The following PIWIL2 variants were observed in gnomAD, a reference collection of about 807,000 sequenced individuals.
The protein encoded by PIWIL2 is piwi like RNA-mediated gene silencing 2.
Under a neutral mutation model 116.5 loss-of-function variants are expected in PIWIL2, and 81 were observed. That is an observed-to-expected ratio of 0.70 (90% CI 0.58 to 0.84). The LOEUF (loss-of-function observed/expected upper bound fraction) is 0.84. Among genes scored for constraint, PIWIL2 ranks in the 40% least tolerant of loss-of-function variants. PIWIL2 has a pLI of 0.00. For missense variants in PIWIL2, 1,272 were observed against 1,212.3 expected (o/e 1.05, Z -0.73); for synonymous variants, 489 against 429.5 (o/e 1.14, Z -1.71).
At position 22,279,490 on chromosome 8, in the gene PIWIL2, T is replaced by G; in HGVS notation, c.104T>G (p.Leu35Trp). Reference sequence around the variant, plus strand: ...TGTTGGCCACAAGCTTCTAAACCTTTGGACCCAGCTCTGGGCAGGGGAGCA... The same window carrying G: ...TGTTGGCCACAAGCTTCTAAACCTTGGGACCCAGCTCTGGGCAGGGGAGCA... Reference protein sequence around the residue: ...PGCWPQASKPLDPALGRGAPA... With the variant: ...PGCWPQASKPWDPALGRGAPA... Residue 35 changes from leucine to tryptophan, a missense_variant, in exon 2 of 23, where the codon TTG (leucine) becomes TGG (tryptophan). Transcript: ENST00000356766. The G allele has an allele frequency of 6.2e-7, 1 of 1,614,182 alleles. No individual in the cohort carries two copies. Among genetic ancestry groups the G allele is most frequent in the East Asian group, 2.2e-5 (1 of 44,880 alleles).
chr8:22,353,398 C>T (rs1435059254), intron 21 of PIWIL2, among the ~76,000 whole-genome samples, 186 bp downstream of exon 21: 1 of 152,062 alleles, frequency 6.6e-6, no homozygotes, highest in East Asian at 1.9e-4. Context: ...TCTGTAATCC[C>T]AACGCTTTGG....
intron 14 of PIWIL2, 127 bp downstream of exon 14, chr8:22,308,200 T>G (rs1385620747): frequency 2.7e-6 from 2 of 730,200 alleles, no homozygotes; most frequent in Non-Finnish European, 4.1e-6. Flanking sequence ...TTTCTAAGTT[T>G]TTTTTTTTTT....
chr8:22,292,045 A>G (rs941175787), intron 10 of PIWIL2, among the ~76,000 whole-genome samples: 1 of 152,076 alleles, frequency 6.6e-6, no homozygotes, highest in African/African-American at 2.4e-5. Context: ...GTGAAGGGAG[A>G]AGAAGCTTTT....
chr8:22,311,087 A>C (rs771208122), intron 15 of PIWIL2, 25 bp from the exon 16 acceptor site: 1 of 1,568,298 alleles, frequency 6.4e-7, no homozygotes, highest in South Asian at 1.2e-5. Flanking sequence ...TGTGAGAAAT[A>C]CTAAAAGCTC....
rs1018657645 is a variant in PIWIL2, at chr8:22,329,358, G to A, written c.2403+11083G>A. Among the ~76,000 whole-genome samples the A allele has an allele frequency of 8.5e-5, 13 of 152,180 alleles. 1 individual carries two copies. The highest frequency in any genetic ancestry group is 7.2e-4 in the Admixed American group (11 of 15,274). ...GCTCATGGTTCTGCAGGCTTTACAC[G>A]AAGCATAATGCTGGCATCCACTCAG... On this transcript the variant is annotated intron_variant, in intron 20 of 22. Coordinates refer to ENST00000356766, the MANE Select transcript of PIWIL2 (RefSeq NM_018068.5).
At chr8:22,342,471 A>G (rs1832133220) in intron 20 of PIWIL2, among the ~76,000 whole-genome samples, 3 of 152,170 alleles carry the variant, frequency 2.0e-5, no homozygotes, top group South Asian at 4.1e-4. Flanking sequence ...AGAAATAGAC[A>G]CACACAAATA....
chr8:22,323,775 C>T (rs1458774182), intron 20 of PIWIL2, among the ~76,000 whole-genome samples: 1 of 152,194 alleles, frequency 6.6e-6, no homozygotes, highest in East Asian at 1.9e-4. Context: ...TCCAGATTAT[C>T]ATCATACTGC....
At position 22,294,900 on chromosome 8, in the gene PIWIL2, GAAAAAAAAAAA is replaced by G. The variant is rs57742067; in HGVS notation, c.1181+4573_1181+4583del. ...ACATGGTGAAATCCCATCTTTACTGGAAAAAAAAAAAAAAAAAAAAAAAAAAAAATTAACTG... is the reference window on the plus strand; with the variant it reads ...ACATGGTGAAATCCCATCTTTACTGGAAAAAAAAAAAAAAAAAATTAACTG... On this transcript the variant is annotated intron_variant, in intron 10 of 22. Transcript: ENST00000356766. Among the ~76,000 whole-genome samples the G allele has an allele frequency of 1.4e-3, 130 of 93,656 alleles. 1 individual carries two copies. In the East Asian group the frequency reaches 0.026, roughly 19 times the overall value. The allele number at this position is 93,656 out of a possible 152,430, so 61.4% of individuals were successfully genotyped here.
Position 22,304,022 on chromosome 8 carries a change from C to T in PIWIL2, c.1183C>T (p.His395Tyr), listed in dbSNP as rs1265616454. Residue 395 changes from histidine (H) to tyrosine (Y), a missense_variant and splice_region_variant, in exon 11 of 23, where the codon CAT becomes TAT. Coordinates refer to ENST00000356766, the MANE Select transcript of PIWIL2 (RefSeq NM_018068.5). ...AAAGTCTTTTATCTCTTTCCAAAGG[C>T]ATGCCATTTATCAGCAGAATAAAGA... ...IRNDCVLDVM[H>Y]AIYQQNKEHF... 8.7e-6 allele frequency: 14 copies of T among 1,607,708 alleles called. No homozygotes were observed. Among genetic ancestry groups the T allele is most frequent in the Non-Finnish European group, 1.2e-5 (14 of 1,175,952 alleles).
chr8:22,302,533 C>CT (rs528080594), intron 10 of PIWIL2, among the ~76,000 whole-genome samples: 1 of 152,056 alleles, frequency 6.6e-6, no homozygotes, highest in East Asian at 1.9e-4. Flanking sequence ...ACTAAAGACT[C>CT]TGTTATTTCT....
At chr8:22,302,930 A>T (rs1831085672) in intron 10 of PIWIL2, among the ~76,000 whole-genome samples, 2 of 152,188 alleles carry the variant, frequency 1.3e-5, no homozygotes, top group African/African-American at 4.8e-5. Flanking sequence ...TAGACAACAA[A>T]TCTAGGCTAA....
At chr8:22,289,152 C>CTTTTTTTTTTTTT (rs374688951) in intron 8 of PIWIL2, among the ~76,000 whole-genome samples, 2 of 135,286 alleles carry the variant, frequency 1.5e-5, no homozygotes, top group African/African-American at 2.7e-5. Flanking sequence ...TTTCTTTTTT[C>CTTTTTTTTTTTTT]TTTTTTTTTT....
chr8:22,298,933 G>A (rs1051752543), intron 10 of PIWIL2, among the ~76,000 whole-genome samples: 2 of 152,156 alleles, frequency 1.3e-5, no homozygotes, highest in South Asian at 2.1e-4. Context: ...AGGGGATGAC[G>A]TTGATTAGTT....
chr8:22,355,384 G>A lies in PIWIL2; in HGVS notation c.2801G>A (p.Trp934Ter), dbSNP rs1586606268. The change falls in exon 23 of 23, where the codon TGG becomes TAG. Residue 934 changes from tryptophan to a stop codon, truncating the protein, a stop_gained. Transcript: ENST00000356766. LOFTEE classifies it high-confidence loss of function. ...AAACTGTGCCACATGTACTGGAATT[G>A]GCCTGGCACCATCAGAGTTCCAGCT... Reference protein sequence around the residue: ...TFKLCHMYWNWPGTIRVPAPC... With the variant: ...TFKLCHMYWN The A allele has an allele frequency of 8.1e-6, 13 of 1,614,018 alleles. No homozygotes were observed. The highest frequency in any genetic ancestry group is 1.1e-5 in the Non-Finnish European group (13 of 1,180,000).
At chr8:22,349,590 A>G (rs1437438631) in intron 20 of PIWIL2, among the ~76,000 whole-genome samples, 2 of 151,994 alleles carry the variant, frequency 1.3e-5, no homozygotes, top group African/African-American at 4.8e-5. Context: ...CCTGACCCCA[A>G]ATCCACTGTA....
intron 22 of PIWIL2, among the ~76,000 whole-genome samples, chr8:22,355,092 C>A (rs1274899119): frequency 2.1e-5 from 3 of 145,710 alleles, no homozygotes; most frequent in Non-Finnish European, 3.0e-5. Context: ...AAACAAAAAA[C>A]AACAACAACA....
At chr8:22,307,377 T>C (rs947287942) in intron 13 of PIWIL2, among the ~76,000 whole-genome samples, 2 of 151,910 alleles carry the variant, frequency 1.3e-5, no homozygotes, top group Non-Finnish European at 1.5e-5. Context: ...TAGGCTCTTA[T>C]AGGAATTTTA....
chr8:22,283,068 T>C lies in PIWIL2; in HGVS notation c.460T>C (p.Leu154=). ...AAGAGGGAGTTCAGATGCGTCTTTA[T>C]TACCACTGGGAAGAGCAGCAGGTGG... ...LGRGSSDASL[L]PLGRAAGGIS... The change falls in exon 5 of 23, where the codon TTA becomes CTA. Residue 154 remains leucine, a synonymous_variant. Transcript: ENST00000356766. The C allele has an allele frequency of 6.2e-7, 1 of 1,614,148 alleles. No homozygotes were observed. The highest frequency in any genetic ancestry group is 8.5e-7 in the Non-Finnish European group (1 of 1,179,998).
At chr8:22,293,664 T>C (rs754226714) in intron 10 of PIWIL2, among the ~76,000 whole-genome samples, 3 of 152,200 alleles carry the variant, frequency 2.0e-5, no homozygotes, top group Non-Finnish European at 2.9e-5. Context: ...TACCTTGATA[T>C]GAAGTTGGGA....
Sources: gnomAD v4.1 joint callset for allele counts (sites outside exome capture counted in the v4.1 genomes callset) on GRCh38, gnomAD v4.1.1 for gene constraint, MANE v1.5 for transcripts, NCBI Gene and HGNC (gene_info 2026-07-23, HGNC 2026-07-21) for gene names.